COMMD4: variants seen among roughly 807,000 people sequenced by gnomAD.
The protein encoded by COMMD4 is COMM domain-containing protein 4.
A neutral mutation model predicts 27.5 loss-of-function variants in COMMD4; 18 were observed. The ratio of observed to expected loss-of-function variants is 0.65; its 90% CI spans 0.45 to 0.97. The LOEUF (loss-of-function observed/expected upper bound fraction) is 0.97. Ranked by LOEUF, COMMD4 falls within the 50% of genes least tolerant of loss-of-function variation. The probability of loss-of-function intolerance (pLI) is 0.00; values close to 1 mark genes in which losing one functional copy is unlikely to be tolerated. For missense variants in COMMD4, 243 were observed against 250.0 expected (o/e 0.97, Z 0.19); for synonymous variants, 108 against 108.4 (o/e 1.00, Z 0.02).
chr15:75,339,188 A>AC (rs1404168944), intron 5 of COMMD4, 76 bp from the exon 6 acceptor site: 111 of 1,611,886 alleles, frequency 6.9e-5, no homozygotes, highest in Middle Eastern at 4.5e-4. Context: ...CCTGAGGTGT[A>AC]CCTGCCCTGT....
downstream of COMMD4, among the ~76,000 whole-genome samples, chr15:75,340,599 C>CTATT (rs530947043): frequency 9.1e-4 from 139 of 152,132 alleles, no homozygotes; most frequent in East Asian, 3.3e-3. Context: ...CTGCCATCTT[C>CTATT]TATTTATTTA....
At chr15:75,338,228 C>T in intron 2 of COMMD4, 95 bp downstream of exon 2, 1 of 1,498,816 alleles carries the variant, frequency 6.7e-7, no homozygotes. Context: ...GGGCTAGGGC[C>T]TCAGTGCTCT....
Position 75,338,126 on chromosome 15 carries a change from C to T in COMMD4, c.68C>T (p.Ala23Val), listed in dbSNP as rs747343822. Residue 23 changes from alanine to valine, a missense_variant, in exon 2 of 8, where the codon GCC (alanine) becomes GTC (valine). Coordinates refer to ENST00000267935, the MANE Select transcript of COMMD4 (RefSeq NM_017828.5). ...DWVLAEISTL[A>V]KMSSVKLRLL... Reference sequence around the variant, plus strand: ...GTCCTGGCAGAAATCAGCACGCTGGCCAAGATGGTTGAGTGCACAGGGTCT... The same window carrying T: ...GTCCTGGCAGAAATCAGCACGCTGGTCAAGATGGTTGAGTGCACAGGGTCT... 340 of 1,603,580 alleles carry T rather than the reference C, an allele frequency of 2.1e-4. No homozygotes were observed. In the East Asian group the frequency reaches 7.0e-3, roughly 33 times the overall value.
At chr15:75,336,401 G>C (rs1278903838) in intron 1 of COMMD4, 1 of 820,846 alleles carries the variant, frequency 1.2e-6, no homozygotes, top group Non-Finnish European at 1.8e-6. Context: ...AGTCCTTTCA[G>C]GTCTTCCCCA....
intron 1 of COMMD4, 22 bp downstream of exon 1, chr15:75,336,114 GA>G (rs752340100): frequency 2.9e-5 from 45 of 1,549,812 alleles, no homozygotes; most frequent in Non-Finnish European, 3.7e-5. Context: ...GGGGCGAAGC[GA>G]GGCTTGGGCT....
downstream of COMMD4, chr15:75,340,362 A>G: frequency 4.1e-6 from 1 of 242,464 alleles, no homozygotes; most frequent in Non-Finnish European, 8.0e-6. Flanking sequence ...TCCATCACTC[A>G]TTTTCTTTTC....
chr15:75,342,139 G>C (rs2071433557), downstream of COMMD4: 1 of 142,620 alleles, frequency 7.0e-6, no homozygotes, highest in Admixed American at 7.1e-5. Context: ...CCCTTAAAAA[G>C]CAGAAGGTTC....
chr15:75,341,847 A>G (rs1595844034), downstream of COMMD4: 9 of 151,072 alleles, frequency 6.0e-5, no homozygotes, highest in South Asian at 1.9e-3. Context: ...AGGTGGGACA[A>G]TTGCTTTAGA....
At chr15:75,336,556 G>A in intron 1 of COMMD4, 1 of 269,848 alleles carries the variant, frequency 3.7e-6, no homozygotes, top group Non-Finnish European at 7.1e-6. Context: ...GTAGTTTTGG[G>A]GTTGAGACTT....
At chr15:75,338,198 A>C in intron 2 of COMMD4, 65 bp downstream of exon 2, 1 of 1,542,984 alleles carries the variant, frequency 6.5e-7, no homozygotes, top group Non-Finnish European at 8.8e-7. Context: ...GTGGGTGTAG[A>C]GGATGGTGAG....
In COMMD4 at chr15:75,339,268, C is replaced by T. The variant is rs764480025; in HGVS notation, c.306C>T (p.His102=). 1.2e-6 allele frequency: 2 copies of T among 1,612,230 alleles called. No individual in the cohort carries two copies. Among genetic ancestry groups the T allele is most frequent in the Admixed American group, 1.7e-5 (1 of 60,032 alleles). The change falls in exon 6 of 8, where the codon CAC becomes CAT. Residue 102 remains histidine, a synonymous_variant. Coordinates refer to ENST00000267935, the MANE Select transcript of COMMD4 (RefSeq NM_017828.5). ...GCTACTCCATTCTACCCCCAGAGCA[C>T]GCGGCCAGCCTGTGCCGCTGTTATG... ...ELQQLGLPKE[H]AASLCRCYEE...
chr15:75,339,693 A>G lies in COMMD4; in HGVS notation c.383-9A>G, dbSNP rs2071376188. 1 of 1,575,880 alleles carries G rather than the reference A, an allele frequency of 6.3e-7. No homozygotes were observed. The highest frequency in any genetic ancestry group is 1.8e-5 in the Admixed American group (1 of 55,516). ...TTTGATCCTGAGAGCCACCCACCCC[A>G]TCTCACAGTGAATAGGTTGGCAGGT... is the stretch of plus-strand genomic sequence containing the variant. On this transcript the variant is annotated splice_polypyrimidine_tract_variant and intron_variant, in intron 6 of 7. Transcript: ENST00000267935.
downstream of COMMD4, chr15:75,342,597 G>T (rs1489529118): frequency 6.6e-6 from 1 of 150,486 alleles, no homozygotes; most frequent in Non-Finnish European, 1.5e-5. Context: ...GAGGCTGGAG[G>T]AGAGAGAGGG....
intron 2 of COMMD4, 25 bp downstream of exon 2, chr15:75,338,158 G>A (rs771673745): frequency 4.4e-6 from 7 of 1,580,376 alleles, no homozygotes; most frequent in Non-Finnish European, 6.0e-6. Context: ...GTCTAGTCTG[G>A]GTGGAGGAGG....
Position 75,340,090 on chromosome 15 carries a change from G to C in COMMD4, c.*85G>C. ...GAACTGCTCTTCGGGAGGCAGCCCT[G>C]GTTCTAGGATGCTGAGGCCCTGGCC... is the stretch of plus-strand genomic sequence containing the variant. On this transcript the variant is annotated 3_prime_UTR_variant, in exon 8 of 8. Transcript: ENST00000267935. The C allele has an allele frequency of 2.0e-6, 3 of 1,504,752 alleles. No individual in the cohort carries two copies. Among genetic ancestry groups the C allele is most frequent in the Non-Finnish European group, 2.7e-6 (3 of 1,104,372 alleles). The allele number at this position is 1,504,752 out of a possible 1,614,324, so 93.2% of individuals were successfully genotyped here. A position where few individuals can be genotyped will look rare whatever the true frequency, so the allele number is the denominator to read the frequency against.
Position 75,339,164 on chromosome 15 carries a change from A to C in COMMD4, c.301+60A>C, listed in dbSNP as rs942580501. 20 of 1,612,056 alleles carry C rather than the reference A, an allele frequency of 1.2e-5. No homozygotes were observed. In the African/African-American group the frequency reaches 1.9e-4, roughly 15 times the overall value. On this transcript the variant is annotated intron_variant, in intron 5 of 7. Transcript: ENST00000267935. ...GGGCCAAGGGCTGCTAGAGAAGGGG[A>C]CAGGCCCTGTGACCCTGAGGTGTAC...
intron 6 of COMMD4, 29 bp downstream of exon 6, chr15:75,339,373 C>T: frequency 6.2e-7 from 1 of 1,605,930 alleles, no homozygotes; most frequent in Non-Finnish European, 8.5e-7. Context: ...AGGGTCCGGG[C>T]TCATTCTAGA....
intron 1 of COMMD4, chr15:75,336,383 G>C: frequency 1.0e-6 from 1 of 973,954 alleles, no homozygotes; most frequent in Non-Finnish European, 1.5e-6. Context: ...GGCTTGTCTG[G>C]AGCTGGGAGT....
At chr15:75,341,721 C>T (rs1327276223), downstream of COMMD4, 1 of 151,982 alleles carries the variant, frequency 6.6e-6, no homozygotes, top group Non-Finnish European at 1.5e-5. Flanking sequence ...TGCTAACATT[C>T]ATGATTAGGG....
Sources: gnomAD v4.1 joint callset for allele counts (sites outside exome capture counted in the v4.1 genomes callset) on GRCh38, gnomAD v4.1.1 for gene constraint, MANE v1.5 for transcripts, NCBI Gene and HGNC (gene_info 2026-07-23, HGNC 2026-07-21) for gene names.